The following PDE6C variants were observed in gnomAD, a reference collection of about 807,000 sequenced individuals.
PDE6C encodes cone cGMP-specific 3',5'-cyclic phosphodiesterase subunit alpha'.
In PDE6C, 75 loss-of-function variants were observed where a neutral mutation model predicts 113.1. That is an observed-to-expected ratio of 0.66 (90% CI 0.55 to 0.80). PDE6C has a LOEUF of 0.80. PDE6C is among the 30% of genes least tolerant of loss of function. The pLI, the probability that PDE6C is intolerant of heterozygous loss-of-function variation, is 0.00. For missense variants in PDE6C, 912 were observed against 1,038.6 expected (o/e 0.88, Z 1.67); for synonymous variants, 375 against 363.7 (o/e 1.03, Z -0.35).
Position 93,663,189 on chromosome 10 carries a change from C to T in PDE6C, c.2518+11C>T, listed in dbSNP as rs1466954131. 5.6e-6 allele frequency: 9 copies of T among 1,611,976 alleles called. No homozygotes were observed. In the Admixed American group the frequency reaches 1.0e-4, roughly 18 times the overall value. ...GAGGAGCCGAAAAAGGTTAGATGGG[C>T]TCTGTTTTTGCTCCCTGTAATGTAG... On this transcript the variant is annotated intron_variant, in intron 21 of 21. Transcript: ENST00000371447.
intron 7 of PDE6C, 117 bp downstream of exon 7, chr10:93,626,988 C>A: frequency 4.5e-6 from 4 of 889,896 alleles, no homozygotes; most frequent in Non-Finnish European, 7.1e-6. Flanking sequence ...ATGGGCCGGG[C>A]GCGGTGGCTC....
At chr10:93,641,654 A>G (rs2058560607) in intron 14 of PDE6C, among the ~76,000 whole-genome samples, 1 of 152,112 alleles carries the variant, frequency 6.6e-6, no homozygotes, top group African/African-American at 2.4e-5. Context: ...GAAAAAAATT[A>G]AAAATAAAAA....
chr10:93,658,075 TGGGA>T (rs1177773217), intron 16 of PDE6C, among the ~76,000 whole-genome samples: 3 of 139,670 alleles, frequency 2.1e-5, no homozygotes, highest in Non-Finnish European at 4.5e-5. Context: ...TAGGCTGAAG[TGGGA>T]GGATCCCTTA....
chr10:93,616,486 T>C (rs1381663621), intron 1 of PDE6C, among the ~76,000 whole-genome samples: 1 of 152,202 alleles, frequency 6.6e-6, no homozygotes, highest in African/African-American at 2.4e-5. Flanking sequence ...TAAGCAAATG[T>C]ACAGATTAAA....
chr10:93,624,887 G>A (rs955847631), intron 4 of PDE6C, among the ~76,000 whole-genome samples: 8 of 152,178 alleles, frequency 5.3e-5, no homozygotes, highest in Non-Finnish European at 1.0e-4. Context: ...TCTTATGGTG[G>A]AAAGATGGCT....
chr10:93,642,085 G>T (rs2058562690), intron 14 of PDE6C, among the ~76,000 whole-genome samples: 1 of 152,324 alleles, frequency 6.6e-6, no homozygotes, highest in Middle Eastern at 3.4e-3. Flanking sequence ...AGGTATGATT[G>T]CTGGGTGCGG....
At chr10:93,634,297 G>C (rs1021752233) in intron 8 of PDE6C, among the ~76,000 whole-genome samples, 8 of 152,188 alleles carry the variant, frequency 5.3e-5, no homozygotes, top group Admixed American at 5.2e-4. Flanking sequence ...ACAGGCTCCA[G>C]CCACTGTGCC....
chr10:93,640,690 T>C, intron 13 of PDE6C, 133 bp downstream of exon 13: 1 of 757,356 alleles, frequency 1.3e-6, no homozygotes, highest in Non-Finnish European at 2.4e-6. Context: ...CCGCTGCAGA[T>C]GAGTCCCAGT....
chr10:93,651,630 A>G (rs1463236131), intron 15 of PDE6C, among the ~76,000 whole-genome samples: 1 of 152,196 alleles, frequency 6.6e-6, no homozygotes, highest in Non-Finnish European at 1.5e-5. Context: ...GTGGGGACAC[A>G]GAGCCATATC....
intron 16 of PDE6C, 34 bp from the exon 17 acceptor site, chr10:93,658,867 C>T (rs760831277): frequency 8.0e-7 from 1 of 1,247,116 alleles, no homozygotes; most frequent in Non-Finnish European, 1.2e-6. Flanking sequence ...TTTTCATAAG[C>T]TAAAATTGTT....
chr10:93,619,583 C>T (rs949387752), intron 1 of PDE6C, among the ~76,000 whole-genome samples: 2 of 152,150 alleles, frequency 1.3e-5, no homozygotes, highest in African/African-American at 2.4e-5. Context: ...CGTGCCACCA[C>T]GCTTGGCTAG....
intron 8 of PDE6C, among the ~76,000 whole-genome samples, chr10:93,632,307 T>C (rs1414825563): frequency 8.5e-5 from 13 of 152,192 alleles, no homozygotes; most frequent in Non-Finnish European, 1.9e-4. Flanking sequence ...AGATAACATA[T>C]TCACAGGTTC....
intron 15 of PDE6C, among the ~76,000 whole-genome samples, chr10:93,646,736 G>T (rs1270707500): frequency 6.6e-6 from 1 of 152,152 alleles, no homozygotes; most frequent in African/African-American, 2.4e-5. Flanking sequence ...GACCAAGGAG[G>T]ATGGGGCTAA....
At chr10:93,648,448 T>C (rs1219150376) in intron 15 of PDE6C, among the ~76,000 whole-genome samples, 1 of 152,198 alleles carries the variant, frequency 6.6e-6, no homozygotes, top group Non-Finnish European at 1.5e-5. Context: ...TTTTACATTT[T>C]GGGGAGACAA....
chr10:93,621,665 C>T (rs2058447126), intron 3 of PDE6C, among the ~76,000 whole-genome samples: 1 of 152,196 alleles, frequency 6.6e-6, no homozygotes, highest in Admixed American at 6.5e-5. Context: ...AGGGCACTTC[C>T]CCTTTGGAGC....
At chr10:93,629,332 C>A in intron 8 of PDE6C, 27 bp downstream of exon 8, 4 of 1,535,932 alleles carry the variant, frequency 2.6e-6, no homozygotes, top group Non-Finnish European at 3.6e-6. Context: ...TCAGACCTCA[C>A]CTCTTGGGGC....
chr10:93,651,669 G>T (rs2058610141), intron 15 of PDE6C, among the ~76,000 whole-genome samples: 2 of 152,176 alleles, frequency 1.3e-5, no homozygotes, highest in South Asian at 4.1e-4. Flanking sequence ...TTTTCCGGAA[G>T]TTGGTAAAGC....
chr10:93,614,320 C>T (rs949119128), intron 1 of PDE6C, among the ~76,000 whole-genome samples: 2 of 152,162 alleles, frequency 1.3e-5, no homozygotes, highest in South Asian at 2.1e-4. Context: ...TCATCAAACA[C>T]GAGTGACTCT....
chr10:93,640,708 A>G (rs1020086843), intron 13 of PDE6C, 151 bp downstream of exon 13: 4 of 741,444 alleles, frequency 5.4e-6, no homozygotes, highest in Non-Finnish European at 9.6e-6. Context: ...AGTATCCTTG[A>G]GCACCGGTGG....
Sources: gnomAD v4.1 joint callset for allele counts (sites outside exome capture counted in the v4.1 genomes callset) on GRCh38, gnomAD v4.1.1 for gene constraint, MANE v1.5 for transcripts, NCBI Gene and HGNC (gene_info 2026-07-23, HGNC 2026-07-21) for gene names.